TBC1D5: variants seen among roughly 807,000 people sequenced by gnomAD.
TBC1D5 encodes the protein TBC1 domain family, member 5.
A neutral mutation model predicts 100.3 loss-of-function variants in TBC1D5; 75 were observed. That is an observed-to-expected ratio of 0.75 (90% confidence interval 0.62 to 0.91). The LOEUF (loss-of-function observed/expected upper bound fraction) is 0.91, where lower values mean the gene tolerates loss of function less well. Ranked by LOEUF, TBC1D5 falls within the 40% of genes least tolerant of loss-of-function variation. TBC1D5 has a pLI of 0.00. For synonymous variants in TBC1D5, 323 were observed against 325.6 expected, an observed-to-expected ratio of 0.99 and a Z score of 0.09; for missense variants, 910 against 942.4, an observed-to-expected ratio of 0.97 and a Z score of 0.45.
exon 19 of TBC1D5, chr3:17,185,122 C>T (rs754895843): frequency 6.2e-7 from 1 of 1,611,410 alleles, no homozygotes; most frequent in Non-Finnish European, 8.5e-7. Flanking sequence ...GATGAGTGTC[C>T]ATCACCTTTG....
At chr3:17,448,224 G>A (rs1370692805) in intron 3 of TBC1D5, among the ~76,000 whole-genome samples, 1 of 152,178 alleles carries the variant, frequency 6.6e-6, no homozygotes, top group African/African-American at 2.4e-5. Flanking sequence ...TCTAATTCCA[G>A]TTCTCTTGCT....
chr3:17,165,994 G>A (rs974576857), intron 21 of TBC1D5, among the ~76,000 whole-genome samples: 1 of 152,118 alleles, frequency 6.6e-6, no homozygotes, highest in Non-Finnish European at 1.5e-5. Flanking sequence ...GGCACATAAG[G>A]AAGCTGTAGG....
At chr3:17,393,311 A>C (rs779417266) in intron 8 of TBC1D5, among the ~76,000 whole-genome samples, 1 of 152,106 alleles carries the variant, frequency 6.6e-6, no homozygotes, top group Non-Finnish European at 1.5e-5. Context: ...CCACTGCTCA[A>C]GGAAATAAGA....
intron 4 of TBC1D5, among the ~76,000 whole-genome samples, chr3:17,417,469 T>A (rs1306822143): frequency 6.6e-6 from 1 of 151,932 alleles, no homozygotes; most frequent in Non-Finnish European, 1.5e-5. Flanking sequence ...GCGAATAGTT[T>A]ACTGAGAATG....
chr3:17,407,485 TAA>T (rs2093802609), intron 4 of TBC1D5, among the ~76,000 whole-genome samples: 1 of 152,130 alleles, frequency 6.6e-6, no homozygotes, highest in Admixed American at 6.6e-5. Flanking sequence ...GGCAATATCT[TAA>T]GAGAGATTTC....
chr3:17,654,869 T>A (rs1243147440), intron 1 of TBC1D5, among the ~76,000 whole-genome samples: 1 of 152,180 alleles, frequency 6.6e-6, no homozygotes, highest in Non-Finnish European at 1.5e-5. Flanking sequence ...AGAGTCAACT[T>A]CTTCCTGGTT....
chr3:17,229,737 C>T (rs116748108), intron 17 of TBC1D5, among the ~76,000 whole-genome samples: 1,877 of 152,210 alleles, frequency 0.012, 33 homozygotes, highest in African/African-American at 0.043. Flanking sequence ...AGTGATGGAG[C>T]CTGAATTCAA....
chr3:17,416,803 A>T (rs533761970), intron 4 of TBC1D5, among the ~76,000 whole-genome samples: 1 of 152,294 alleles, frequency 6.6e-6, no homozygotes, highest in African/African-American at 2.4e-5. Flanking sequence ...TAGAAAGGCA[A>T]ATCTTTAGTG....
chr3:17,247,881 A>AT (rs1338315753), intron 16 of TBC1D5, among the ~76,000 whole-genome samples: 3 of 152,132 alleles, frequency 2.0e-5, no homozygotes, highest in Middle Eastern at 3.4e-3. Flanking sequence ...CTCTTCTTCT[A>AT]TTACAGTTTT....
chr3:17,258,591 T>C, exon 16 of TBC1D5: 1 of 1,610,220 alleles, frequency 6.2e-7, no homozygotes, highest in Non-Finnish European at 8.5e-7. Flanking sequence ...CTTGGATTTC[T>C]CTAAAAAAAA....
At chr3:17,496,125 T>A (rs1057300633) in intron 3 of TBC1D5, among the ~76,000 whole-genome samples, 8 of 152,202 alleles carry the variant, frequency 5.3e-5, no homozygotes, top group African/African-American at 1.9e-4. Context: ...CCTTCTTTCT[T>A]TTTTAAGGAG....
At chr3:17,658,491 T>G (rs2066324354) in intron 1 of TBC1D5, among the ~76,000 whole-genome samples, 1 of 151,954 alleles carries the variant, frequency 6.6e-6, no homozygotes, top group Non-Finnish European at 1.5e-5. Flanking sequence ...GGAAGGGTAT[T>G]AAAAGCATAG....
chr3:17,663,392 A>G (rs1463792136), intron 1 of TBC1D5, among the ~76,000 whole-genome samples: 3 of 151,972 alleles, frequency 2.0e-5, no homozygotes, highest in Non-Finnish European at 4.4e-5. Flanking sequence ...ACTGATCTTA[A>G]TATATAATAT....
intron 18 of TBC1D5, 56 bp from the exon 20 acceptor site, chr3:17,185,264 C>T (rs1158668972): frequency 1.4e-6 from 2 of 1,473,620 alleles, no homozygotes; most frequent in African/African-American, 2.8e-5. Context: ...AATAAAATCT[C>T]CAAAGTTTTC....
chr3:17,491,445 G>C (rs912316258), intron 3 of TBC1D5, among the ~76,000 whole-genome samples: 2 of 152,146 alleles, frequency 1.3e-5, no homozygotes, highest in African/African-American at 4.8e-5. Context: ...TTGGCAGTGG[G>C]TGTGTCATAA....
chr3:17,376,387 C>A, intron 10 of TBC1D5, 138 bp downstream of exon 10: 1 of 697,066 alleles, frequency 1.4e-6, no homozygotes, highest in South Asian at 2.5e-5. Context: ...AACAATTAAC[C>A]ACATGAAACA....
intron 1 of TBC1D5, among the ~76,000 whole-genome samples, chr3:17,684,327 A>G (rs752429016): frequency 6.6e-6 from 1 of 152,136 alleles, no homozygotes; most frequent in Non-Finnish European, 1.5e-5. Context: ...TTTCAAAATA[A>G]GAAATTTGGA....
chr3:17,605,146 C>A (rs1420174797), intron 2 of TBC1D5, among the ~76,000 whole-genome samples: 1 of 152,180 alleles, frequency 6.6e-6, no homozygotes, highest in African/African-American at 2.4e-5. Flanking sequence ...TCCTAACAGA[C>A]AAGCCTTCTC....
At chr3:17,393,995 G>A (rs968469575) in intron 8 of TBC1D5, among the ~76,000 whole-genome samples, 1 of 152,088 alleles carries the variant, frequency 6.6e-6, no homozygotes, top group East Asian at 1.9e-4. Context: ...AAACTAAAGA[G>A]CTTCTGCACA....
Sources: allele counts gnomAD v4.1 joint callset (sites outside exome capture counted in the v4.1 genomes callset), GRCh38; gene constraint gnomAD v4.1.1; transcripts MANE v1.5; gene names NCBI Gene and HGNC (gene_info 2026-07-23, HGNC 2026-07-21).